EIF5A: variants seen among roughly 807,000 people sequenced by gnomAD.
EIF5A encodes eukaryotic translation initiation factor 5A-1.
Under a neutral mutation model 16.6 loss-of-function variants are expected in EIF5A, and 1 was observed. That is an observed-to-expected ratio of 0.06 (90% CI 0.02 to 0.28). The LOEUF is 0.28. Among genes scored for constraint, EIF5A ranks in the 10% least tolerant of loss-of-function variants. The probability of loss-of-function intolerance (pLI) is 1.00; values close to 1 mark genes in which losing one functional copy is unlikely to be tolerated. For missense variants in EIF5A, 29 were observed against 196.1 expected (o/e 0.15, Z 5.09); for synonymous variants, 80 against 73.6 (o/e 1.09, Z -0.44).
At chr17:7,308,205 C>T in intron 1 of EIF5A, 1 of 1,016,546 alleles carries the variant, frequency 9.8e-7, no homozygotes, top group Non-Finnish European at 1.2e-6. Context: ...CGGCCTGGCG[C>T]AGTCTCTGAG....
chr17:7,310,084 G>C, intron 2 of EIF5A: 2 of 1,410,482 alleles, frequency 1.4e-6, no homozygotes, highest in Non-Finnish European at 9.4e-7. Flanking sequence ...TTATGCTCTA[G>C]CTATTCAGTT....
chr17:7,308,976 T>C (rs1209037722), intron 1 of EIF5A, among the ~76,000 whole-genome samples: 2 of 152,176 alleles, frequency 1.3e-5, no homozygotes, highest in African/African-American at 4.8e-5. Flanking sequence ...GGGTTCTCTT[T>C]GGGAACCAAG....
rs542399080 is a variant in EIF5A, at chr17:7,311,679, C to T, written c.*11+28C>T. The stretch of plus-strand genomic sequence containing the variant: ...GAGTGTGACAAATCCCTCACTGTCC[C>T]CTTCACATTTTGTTGTCCTCAGCAG... On this transcript the variant is annotated intron_variant, in intron 5 of 5. Transcript: ENST00000336458. 1.4e-5 allele frequency: 22 copies of T among 1,613,396 alleles called. No homozygotes were observed. In the East Asian group the frequency reaches 3.6e-4, roughly 26 times the overall value.
intron 1 of EIF5A, among the ~76,000 whole-genome samples, chr17:7,308,874 TC>T (rs1174551925): frequency 6.6e-6 from 1 of 152,170 alleles, no homozygotes; most frequent in East Asian, 1.9e-4. Flanking sequence ...TCTCCCACTT[TC>T]TACTGACTGT....
At chr17:7,309,536 T>C in intron 1 of EIF5A, 79 bp from the exon 2 acceptor site, 1 of 1,568,408 alleles carries the variant, frequency 6.4e-7, no homozygotes, top group Non-Finnish European at 8.7e-7. Flanking sequence ...TGGGAAAATG[T>C]TTCTGGAGAG....
chr17:7,307,275 G>C, upstream of EIF5A: 1 of 1,178,616 alleles, frequency 8.5e-7, no homozygotes, highest in Non-Finnish European at 1.1e-6. Context: ...ACACGCATGC[G>C]TTCTGAGACC....
At chr17:7,309,906 ACT>A in intron 2 of EIF5A, 106 bp downstream of exon 2, 1 of 1,609,270 alleles carries the variant, frequency 6.2e-7, no homozygotes, top group Non-Finnish European at 8.5e-7. Flanking sequence ...CTCTGCTTTT[ACT>A]GTCTGATTGT....
chr17:7,312,447 T>C lies in EIF5A; in HGVS notation c.*637T>C, dbSNP rs986063747. On this transcript the variant is annotated 3_prime_UTR_variant, in exon 6 of 6. Transcript: ENST00000336458. ...TCAAACCTGAATAAAACTACAAGTT[T>C]AATATGAAGCCCCCAACTCAGCTGC... 6.4e-6 allele frequency: 2 copies of C among 314,520 alleles called. No homozygotes were observed. Among genetic ancestry groups the C allele is most frequent in the African/African-American group, 4.3e-5 (2 of 46,040 alleles). 19.5% of individuals were successfully genotyped at this position (314,520 alleles called of 1,614,324 possible).
In EIF5A at chr17:7,308,309, C is replaced by G. The variant is rs867119316; in HGVS notation, c.-22+557C>G. 3.5e-6 allele frequency: 4 copies of G among 1,150,144 alleles called. No homozygotes were observed. In the South Asian group the frequency reaches 4.9e-5, roughly 14 times the overall value. 71.2% of individuals were successfully genotyped at this position (1,150,144 alleles called of 1,614,324 possible). ...CCAAGCGTGGACCGGGGCCGCATGGCAGCGCGGGGACCCCTCCCCCCAGGT... is the reference window on the plus strand; with the variant it reads ...CCAAGCGTGGACCGGGGCCGCATGGGAGCGCGGGGACCCCTCCCCCCAGGT... On this transcript the variant is annotated intron_variant, in intron 1 of 5. Transcript: ENST00000336458.
chr17:7,312,218 A>G lies in EIF5A; in HGVS notation c.*408A>G, dbSNP rs2072853305. ...TCCCTGGTCTGGTCCCCTGTTGCCT[A>G]TAGCCCTTTACCCTGAGCACCACCC... On this transcript the variant is annotated 3_prime_UTR_variant, in exon 6 of 6. Coordinates refer to ENST00000336458, the MANE Select transcript of EIF5A (RefSeq NM_001970.5). 6.0e-6 allele frequency: 1 copy of G among 167,892 alleles called. No individual in the cohort carries two copies. Among genetic ancestry groups the G allele is most frequent in the Non-Finnish European group, 1.4e-5 (1 of 73,236 alleles). The allele number at this position is 167,892 out of a possible 1,614,324, so 10.4% of individuals were successfully genotyped here.
chr17:7,308,774 T>G (rs2072717867), intron 1 of EIF5A, among the ~76,000 whole-genome samples: 1 of 152,140 alleles, frequency 6.6e-6, no homozygotes, highest in African/African-American at 2.4e-5. Context: ...GGTTTCGAAG[T>G]CCTTAACTCT....
intron 2 of EIF5A, 77 bp downstream of exon 2, chr17:7,309,877 A>C: frequency 6.2e-7 from 1 of 1,613,832 alleles, no homozygotes; most frequent in Non-Finnish European, 8.5e-7. Context: ...AGCTGCCAAC[A>C]GTGCTGACTT....
intron 2 of EIF5A, chr17:7,310,039 C>T: frequency 1.3e-6 from 2 of 1,494,360 alleles, no homozygotes; most frequent in Non-Finnish European, 1.8e-6. Flanking sequence ...CTCCGTTTCT[C>T]CAGCTTTGTG....
upstream of EIF5A, chr17:7,307,136 T>G (rs1225876077): frequency 1.9e-6 from 3 of 1,579,056 alleles, no homozygotes; most frequent in South Asian, 3.5e-5. Context: ...TAAGTCCAGT[T>G]AAAGCCGAGG....
rs1230918348 is a variant in EIF5A at position 7,311,932 on chromosome 17, A to G, written c.*122A>G. The G allele has an allele frequency of 3.9e-6, 2 of 510,916 alleles. No homozygotes were observed. The highest frequency in any genetic ancestry group is 7.2e-6 in the Non-Finnish European group (2 of 277,408). The allele number at this position is 510,916 out of a possible 1,614,324, so 31.6% of individuals were successfully genotyped here. On this transcript the variant is annotated 3_prime_UTR_variant, in exon 6 of 6. Coordinates refer to ENST00000336458, the MANE Select transcript of EIF5A (RefSeq NM_001970.5). ...GGACTCCTCCTACACAATTTATTTGACGTTTTATTTTGGTTTTCCCCACCC... is the reference window on the plus strand; with the variant it reads ...GGACTCCTCCTACACAATTTATTTGGCGTTTTATTTTGGTTTTCCCCACCC...
chr17:7,311,270 G>A (rs1312165463), intron 3 of EIF5A, 80 bp from the exon 4 acceptor site: 24 of 1,608,200 alleles, frequency 1.5e-5, no homozygotes, highest in Non-Finnish European at 2.0e-5. Flanking sequence ...TATCAGTCCA[G>A]TTTGTCTATC....
upstream of EIF5A, chr17:7,307,497 G>A: frequency 9.7e-7 from 1 of 1,034,270 alleles, no homozygotes; most frequent in Non-Finnish European, 1.2e-6. Context: ...CGGGTCGGTG[G>A]GAGGGAGGGT....
chr17:7,307,646 A>AGCAGCGGCGGCGGCGGTAGAG lies in EIF5A; in HGVS notation c.-125_-105dup, dbSNP rs751169482. On this transcript the variant is annotated 5_prime_UTR_variant, in exon 1 of 6. Coordinates refer to ENST00000336458, the MANE Select transcript of EIF5A (RefSeq NM_001970.5). ...CGCCTGCGTACTAAGACCCGTGTGCAGCAGCGGCGGCGGCGGTAGAGGCGG... is the reference window on the plus strand; with the variant it reads ...CGCCTGCGTACTAAGACCCGTGTGCAGCAGCGGCGGCGGCGGTAGAGGCAGCGGCGGCGGCGGTAGAGGCGG... 9.5e-7 allele frequency: 1 copy of AGCAGCGGCGGCGGCGGTAGAG among 1,051,214 alleles called. No individual in the cohort carries two copies. Among genetic ancestry groups the AGCAGCGGCGGCGGCGGTAGAG allele is most frequent in the Non-Finnish European group, 1.1e-6 (1 of 872,868 alleles). 65.1% of individuals were successfully genotyped at this position (1,051,214 alleles called of 1,614,324 possible). A position where few individuals can be genotyped will look rare whatever the true frequency, so the allele number is the denominator to read the frequency against.
chr17:7,310,365 A>G, intron 2 of EIF5A: 1 of 1,212,712 alleles, frequency 8.2e-7, no homozygotes, highest in South Asian at 1.5e-5. Flanking sequence ...CATGGGTTTT[A>G]ACATTCTTGC....
Sources: gnomAD v4.1 joint callset for allele counts (sites outside exome capture counted in the v4.1 genomes callset) on GRCh38, gnomAD v4.1.1 for gene constraint, MANE v1.5 for transcripts, NCBI Gene and HGNC (gene_info 2026-07-23, HGNC 2026-07-21) for gene names.